Variants in SLC22A16 observed in about 807,000 individuals in gnomAD.
SLC22A16 encodes the protein solute carrier family 22 member 16.
In SLC22A16, 53 loss-of-function variants were observed where a neutral mutation model predicts 52.9. The observed-to-expected ratio is 1.00, with a 90% CI of 0.80 to 1.26. The LOEUF (loss-of-function observed/expected upper bound fraction) is 1.26, where lower values mean the gene tolerates loss of function less well. Ranked by LOEUF, SLC22A16 falls within the 50% of genes most tolerant of loss-of-function variation. SLC22A16 has a pLI of 0.00. For synonymous variants in SLC22A16, 291 were observed against 268.8 expected (o/e 1.08, Z -0.81); for missense variants, 726 against 704.0 (o/e 1.03, Z -0.35).
In SLC22A16 at chr6:110,442,605, G is replaced by A; in HGVS notation, c.822C>T (p.Leu274=). The A allele has an allele frequency of 6.2e-7, 1 of 1,614,230 alleles. No individual in the cohort carries two copies. Among genetic ancestry groups the A allele is most frequent in the East Asian group, 2.2e-5 (1 of 44,886 alleles). Residue 274 remains leucine, a synonymous_variant, in exon 4 of 8, where the codon CTC becomes CTT. Transcript: ENST00000368919. ...GGATAAAGGGGACAGTCACTGTGGA[G>A]AGGATCATCTGGTAAAGCCACCAGG... The part of the protein sequence containing the change: ...VRTWWLYQMI[L]STVTVPFILC...
intron 6 of SLC22A16, among the ~76,000 whole-genome samples, chr6:110,434,754 C>T (rs1037007474): frequency 1.3e-5 from 2 of 152,038 alleles, no homozygotes; most frequent in Admixed American, 6.5e-5. Context: ...CCAAGGCTGG[C>T]GGATCACGAG....
At chr6:110,442,092 A>T in intron 4 of SLC22A16, 152 bp downstream of exon 4, 1 of 708,536 alleles carries the variant, frequency 1.4e-6, no homozygotes, top group East Asian at 2.7e-5. Context: ...ACTAAGAGAT[A>T]TCATAATAAT....
chr6:110,453,779 A>T (rs1454579430), intron 2 of SLC22A16: 10 of 448,058 alleles, frequency 2.2e-5, no homozygotes, highest in African/African-American at 4.0e-5. Context: ...TGGATAATTT[A>T]TAAAGAAAAG....
At position 110,456,741 on chromosome 6, in the gene SLC22A16, C is replaced by T. The variant is rs767386591; in HGVS notation, c.330G>A (p.Ser110=). ...RCSRNKRENT[S]SLGYEYTGSK... is the part of the protein sequence containing the mutation. Reference sequence around the variant, plus strand: ...TGCCAGTGTATTCATAGCCCAAACTCGATGTGTTCTCCCTCTTATTCCTGC... The same window carrying T: ...TGCCAGTGTATTCATAGCCCAAACTTGATGTGTTCTCCCTCTTATTCCTGC... Residue 110 remains serine (S), a synonymous_variant, in exon 2 of 8, where the codon TCG becomes TCA. Coordinates refer to ENST00000368919, the MANE Select transcript of SLC22A16 (RefSeq NM_033125.4). 9.9e-6 allele frequency: 16 copies of T among 1,614,012 alleles called. No individual in the cohort carries two copies. Among genetic ancestry groups the T allele is most frequent in the African/African-American group, 2.7e-5 (2 of 74,882 alleles).
intron 6 of SLC22A16, among the ~76,000 whole-genome samples, chr6:110,434,327 G>C (rs1024237160): frequency 1.3e-5 from 2 of 152,070 alleles, no homozygotes; most frequent in Non-Finnish European, 2.9e-5. Flanking sequence ...CTTGCACCAG[G>C]TACTTGATCT....
At chr6:110,456,469 T>C in intron 2 of SLC22A16, 69 bp downstream of exon 2, 2 of 1,538,068 alleles carry the variant, frequency 1.3e-6, no homozygotes, top group Admixed American at 2.0e-5. Context: ...TAATTCCTTG[T>C]GTCCCAAGAA....
At chr6:110,466,287 T>C (rs1003569856) in intron 1 of SLC22A16, among the ~76,000 whole-genome samples, 3 of 151,812 alleles carry the variant, frequency 2.0e-5, no homozygotes. Context: ...AATAGACAAA[T>C]GGGAATTAAT....
Position 110,442,694 on chromosome 6 carries a change from G to A in SLC22A16, c.733C>T (p.His245Tyr), listed in dbSNP as rs1196245215. The change falls in exon 4 of 8, where the codon CAT becomes TAT. Residue 245 changes from histidine (H) to tyrosine (Y), a missense_variant. Coordinates refer to ENST00000368919, the MANE Select transcript of SLC22A16 (RefSeq NM_033125.4). ...CCAACTGCAAAAAAGGAATGCAAAT[G>A]GACAGACGCCCATGTCCGAGACTTC... ...GMKSRTWASVHLHSFFAVGTL... is the reference protein window; with the variant it reads ...GMKSRTWASVYLHSFFAVGTL... 6.2e-7 allele frequency: 1 copy of A among 1,613,966 alleles called. No homozygotes were observed. Among genetic ancestry groups the A allele is most frequent in the African/African-American group, 1.3e-5 (1 of 74,904 alleles).
At chr6:110,454,645 ATTT>A (rs1207221819) in intron 2 of SLC22A16, among the ~76,000 whole-genome samples, 1 of 48,730 alleles carries the variant, frequency 2.1e-5, no homozygotes, top group South Asian at 4.8e-4. Flanking sequence ...TATATTATAT[ATTT>A]TATATATATT....
At chr6:110,427,545 CAT>C (rs141748970) in intron 7 of SLC22A16, among the ~76,000 whole-genome samples, 10 of 151,020 alleles carry the variant, frequency 6.6e-5, no homozygotes, top group Non-Finnish European at 7.4e-5. Flanking sequence ...TTACTGCATG[CAT>C]ATATATATAT....
chr6:110,468,605 C>T (rs767169991), intron 1 of SLC22A16, among the ~76,000 whole-genome samples: 23 of 148,586 alleles, frequency 1.5e-4, no homozygotes, highest in Non-Finnish European at 1.3e-4. Flanking sequence ...AAGATCACAC[C>T]ACTGCACTCT....
rs539001388 is a variant in SLC22A16 at position 110,427,712 on chromosome 6, C to T, written c.1522-2627G>A. ...ACGGGGTGTCGCCATATTGGCCAGGCTGGTCCCAAACCCCTGGCCCCCCAA... is the reference window on the plus strand; with the variant it reads ...ACGGGGTGTCGCCATATTGGCCAGGTTGGTCCCAAACCCCTGGCCCCCCAA... On this transcript the variant is annotated intron_variant, in intron 7 of 7. Transcript: ENST00000368919. 2.7e-3 allele frequency among the ~76,000 whole-genome samples: 407 copies of T among 152,302 alleles called. 2 individuals are homozygous for T. Among genetic ancestry groups the T allele is most frequent in the African/African-American group, 9.3e-3 (388 of 41,550 alleles).
At chr6:110,431,098 A>G in intron 7 of SLC22A16, 73 bp downstream of exon 7, 1 of 1,204,738 alleles carries the variant, frequency 8.3e-7, no homozygotes, top group South Asian at 1.2e-5. Context: ...AAATAACAAT[A>G]GAGAAGTTGC....
rs1252868609 is a variant in SLC22A16 at position 110,476,352 on chromosome 6, G to A, written c.53+170C>T. ...CCGCTGCCAGAGGCCTAGAGGAGAA[G>A]CCCAGCTAGGGGCCGGCGTCTGGAC... On this transcript the variant is annotated intron_variant, in intron 1 of 7. Coordinates refer to ENST00000368919, the MANE Select transcript of SLC22A16 (RefSeq NM_033125.4). 5.1e-6 allele frequency: 7 copies of A among 1,380,300 alleles called. No homozygotes were observed. In the African/African-American group the frequency reaches 1.1e-4, roughly 21 times the overall value. 85.5% of individuals were successfully genotyped at this position (1,380,300 alleles called of 1,614,324 possible).
chr6:110,436,048 C>T (rs1022027344), intron 5 of SLC22A16, 87 bp from the exon 6 acceptor site: 1 of 827,866 alleles, frequency 1.2e-6, no homozygotes, highest in Admixed American at 2.2e-5. Flanking sequence ...TTAAAACATT[C>T]TAATTCCTTC....
At chr6:110,471,110 A>G (rs560084867) in intron 1 of SLC22A16, among the ~76,000 whole-genome samples, 7 of 152,330 alleles carry the variant, frequency 4.6e-5, no homozygotes, top group African/African-American at 1.7e-4. Context: ...CGTTTCGGTC[A>G]ATGATGAACC....
chr6:110,466,709 A>G (rs79372582), intron 1 of SLC22A16, among the ~76,000 whole-genome samples: 3 of 152,282 alleles, frequency 2.0e-5, no homozygotes, highest in East Asian at 3.9e-4. Flanking sequence ...TATGGAAAAC[A>G]TTATCAAGAT....
intron 3 of SLC22A16, among the ~76,000 whole-genome samples, chr6:110,443,292 C>T (rs1270753483): frequency 6.6e-6 from 1 of 152,266 alleles, no homozygotes; most frequent in East Asian, 1.9e-4. Context: ...AGGGAAAAGG[C>T]AACCTGCAGA....
rs187346319 is a variant in SLC22A16, at chr6:110,474,587, C to T, written c.53+1935G>A. Among the ~76,000 whole-genome samples the T allele has an allele frequency of 1.5e-3, 232 of 152,332 alleles. 1 individual carries two copies. Among genetic ancestry groups the T allele is most frequent in the African/African-American group, 5.1e-3 (212 of 41,576 alleles). On this transcript the variant is annotated intron_variant, in intron 1 of 7. Transcript: ENST00000368919. Reference sequence around the variant, plus strand: ...GATAATAGCCATGACTTATTGAGAACTTACTGAATAATAAGACTTTTGCAT... The same window carrying T: ...GATAATAGCCATGACTTATTGAGAATTTACTGAATAATAAGACTTTTGCAT...
Sources: gnomAD v4.1 joint callset for allele counts (sites outside exome capture counted in the v4.1 genomes callset) on GRCh38, gnomAD v4.1.1 for gene constraint, MANE v1.5 for transcripts, NCBI Gene and HGNC (gene_info 2026-07-23, HGNC 2026-07-21) for gene names.